Variants in COL5A2 observed in about 807,000 individuals in gnomAD.
COL5A2 encodes collagen type V alpha 2 chain, also known as collagen alpha-2(V) chain.
COL5A2 carries 23 observed loss-of-function variants against 208.2 expected under a neutral mutation model. The ratio of observed to expected loss-of-function variants is 0.11; its 90% CI spans 0.08 to 0.16. The LOEUF is 0.16. COL5A2 is among the 10% of genes least tolerant of loss of function. The probability of loss-of-function intolerance (pLI) is 1.00; values close to 1 mark genes in which losing one functional copy is unlikely to be tolerated. For synonymous variants in COL5A2, 625 were observed against 628.5 expected (o/e 0.99, Z 0.08); for missense variants, 1,590 against 1,956.4 (o/e 0.81, Z 3.53).
upstream of COL5A2, among the ~76,000 whole-genome samples, chr2:189,225,531 T>C (rs1287050224): frequency 6.6e-6 from 1 of 152,170 alleles, no homozygotes; most frequent in East Asian, 1.9e-4. Context: ...ACAGATTTCT[T>C]CTCTTTGTAC....
intron 2 of COL5A2, among the ~76,000 whole-genome samples, chr2:189,107,627 T>C (rs1176603382): frequency 6.6e-6 from 1 of 151,650 alleles, no homozygotes; most frequent in Non-Finnish European, 1.5e-5. Flanking sequence ...GCACATACTT[T>C]TATTCTTTCT....
chr2:189,100,282 C>T, intron 3 of COL5A2, 143 bp from the exon 4 acceptor site: 2 of 677,722 alleles, frequency 3.0e-6, no homozygotes, highest in Admixed American at 2.5e-5. Flanking sequence ...AGAAAGTTAA[C>T]AATTTTTAGG....
the COL5A2 span, among the ~76,000 whole-genome samples, chr2:189,362,689 T>C: frequency 6.6e-6 from 1 of 152,176 alleles, no homozygotes; most frequent in African/African-American, 2.4e-5. Flanking sequence ...TCAGCTTTCC[T>C]ATTCTTCCTA....
Position 189,045,859 on chromosome 2 carries a change from C to A in COL5A2, c.3250G>T (p.Ala1084Ser). Reference sequence around the variant, plus strand: ...CCCACAGGGCCAGGAGTTCCAGGGGCACCCTGAGAGCCTGGCAGACCTGCA... The same window carrying A: ...CCCACAGGGCCAGGAGTTCCAGGGGAACCCTGAGAGCCTGGCAGACCTGCA... The part of the protein sequence containing the change: ...GPAGLPGSQG[A>S]PGTPGPVGAP... Residue 1084 changes from alanine to serine, a missense_variant, in exon 46 of 54, where the codon GCC becomes TCC. By Grantham distance (99) the Ala-to-Ser change is moderately conservative (BLOSUM62 1). Coordinates refer to ENST00000374866, the MANE Select transcript of COL5A2 (RefSeq NM_000393.5). 6.2e-7 allele frequency: 1 copy of A among 1,614,180 alleles called. No homozygotes were observed. The highest frequency in any genetic ancestry group is 8.5e-7 in the Non-Finnish European group (1 of 1,180,012).
intron 6 of COL5A2, among the ~76,000 whole-genome samples, chr2:189,093,284 C>T (rs890945151): frequency 6.6e-6 from 1 of 152,124 alleles, no homozygotes; most frequent in Non-Finnish European, 1.5e-5. Context: ...TCTTGAAAGG[C>T]TTCAAAAAGA....
chr2:189,126,344 C>G (rs1687606875), intron 1 of COL5A2, among the ~76,000 whole-genome samples: 1 of 151,512 alleles, frequency 6.6e-6, no homozygotes, highest in Non-Finnish European at 1.5e-5. Flanking sequence ...GTGATTAAAC[C>G]CAAAGTAATA....
intron 2 of COL5A2, 120 bp from the exon 3 acceptor site, chr2:189,104,397 C>T: frequency 1.3e-6 from 1 of 755,886 alleles, no homozygotes; most frequent in Non-Finnish European, 2.4e-6. Flanking sequence ...ATAGTGATTA[C>T]ACTATCAGCA....
chr2:189,133,114 C>CTTTTTTTTT (rs751457732), intron 1 of COL5A2: 1 of 63,428 alleles, frequency 1.6e-5, no homozygotes, highest in African/African-American at 5.1e-5. Flanking sequence ...CCAAGTACGA[C>CTTTTTTTTT]TTTTTTTTTT....
At chr2:189,346,264 T>G in the COL5A2 span, among the ~76,000 whole-genome samples, 4 of 152,190 alleles carry the variant, frequency 2.6e-5, no homozygotes, top group Admixed American at 2.0e-4. Context: ...TCTCCAGCTC[T>G]TAGTTTGCTT....
the COL5A2 span, among the ~76,000 whole-genome samples, chr2:189,356,900 G>A: frequency 6.6e-6 from 1 of 152,168 alleles, no homozygotes; most frequent in East Asian, 1.9e-4. Flanking sequence ...TGATGTTGGT[G>A]ACCTTCAGAT....
chr2:189,394,173 T>C, the COL5A2 span, among the ~76,000 whole-genome samples: 13 of 152,318 alleles, frequency 8.5e-5, no homozygotes, highest in South Asian at 6.2e-4. Flanking sequence ...TGTTCTTGGA[T>C]AATGTTGATT....
intron 35 of COL5A2, chr2:189,056,631 G>A: frequency 2.9e-6 from 1 of 347,620 alleles, no homozygotes; most frequent in South Asian, 2.9e-5. Flanking sequence ...TGTCTATGCT[G>A]GAATGAAGTA....
chr2:189,187,926 G>T (rs370149963), intron 1 of COL5A2, among the ~76,000 whole-genome samples: 2 of 148,124 alleles, frequency 1.4e-5, no homozygotes, highest in South Asian at 2.1e-4. Flanking sequence ...CCAAGATCGC[G>T]CCACTGCACT....
At chr2:189,245,482 A>ATTTT in the COL5A2 span, among the ~76,000 whole-genome samples, 1 of 124,132 alleles carries the variant, frequency 8.1e-6, no homozygotes. Flanking sequence ...TATACTCAAA[A>ATTTT]TTTTTTTTTT....
chr2:189,242,271 C>T, the COL5A2 span, among the ~76,000 whole-genome samples: 161 of 152,254 alleles, frequency 1.1e-3, 1 homozygote, highest in Non-Finnish European at 4.0e-4. Context: ...AGCTTCTATA[C>T]ATAAAACATT....
At chr2:189,285,572 T>G in the COL5A2 span, among the ~76,000 whole-genome samples, 2 of 152,208 alleles carry the variant, frequency 1.3e-5, no homozygotes, top group South Asian at 2.1e-4. Flanking sequence ...ATAGCTGATT[T>G]CCAGAAGGTC....
the COL5A2 span, among the ~76,000 whole-genome samples, chr2:189,430,873 T>C: frequency 6.6e-6 from 1 of 152,208 alleles, no homozygotes; most frequent in African/African-American, 2.4e-5. Context: ...CCTCCTCAAG[T>C]GGGTCCCTGA....
At chr2:189,101,499 A>G (rs1309461422) in intron 3 of COL5A2, among the ~76,000 whole-genome samples, 1 of 152,072 alleles carries the variant, frequency 6.6e-6, no homozygotes, top group African/African-American at 2.4e-5. Context: ...ATTAAAATGA[A>G]TATCTTTGTT....
chr2:189,355,175 T>A, the COL5A2 span, among the ~76,000 whole-genome samples: 1 of 152,210 alleles, frequency 6.6e-6, no homozygotes. Context: ...TCTTTTGCGT[T>A]TGCTGAGGAG....
Sources: gnomAD v4.1 joint callset for allele counts (sites outside exome capture counted in the v4.1 genomes callset) on GRCh38, gnomAD v4.1.1 for gene constraint, MANE v1.5 for transcripts, NCBI Gene and HGNC (gene_info 2026-07-23, HGNC 2026-07-21) for gene names.